The following PDE10A variants were observed in gnomAD, a reference collection of about 807,000 sequenced individuals.
The protein encoded by PDE10A is cAMP and cAMP-inhibited cGMP 3',5'-cyclic phosphodiesterase 10A.
Under a neutral mutation model 97.7 loss-of-function variants are expected in PDE10A, and 39 were observed. That is an observed-to-expected ratio of 0.40 (90% CI 0.31 to 0.52). The LOEUF (loss-of-function observed/expected upper bound fraction) is 0.52, where lower values mean the gene tolerates loss of function less well. Among genes scored for constraint, PDE10A ranks in the 20% least tolerant of loss-of-function variants. PDE10A has a pLI of 0.56. For synonymous variants in PDE10A, 371 were observed against 376.8 expected (o/e 0.98, Z 0.18); for missense variants, 731 against 1,047.8 (o/e 0.70, Z 4.17).
At position 165,515,523 on chromosome 6, in the gene PDE10A, C is replaced by CTT. The variant is rs376897417; in HGVS notation, c.994+27915_994+27916dup. On this transcript the variant is annotated intron_variant, in intron 2 of 21. Transcript: ENST00000539869. ...ACACACACATATATATGCTTTTGTT[C>CTT]TTTTTTTTTTTTTTTTTTGAGATGG... 6.7e-3 allele frequency among the ~76,000 whole-genome samples: 838 copies of CTT among 124,492 alleles called. 26 individuals are homozygous for CTT. Among genetic ancestry groups the CTT allele is most frequent in the African/African-American group, 0.022 (740 of 33,068 alleles). The allele number at this position is 124,492 out of a possible 152,430, so 81.7% of individuals were successfully genotyped here. A position where few individuals can be genotyped will look rare whatever the true frequency, so the allele number is the denominator to read the frequency against.
chr6:165,576,560 A>T, intron 1 of PDE10A: 1 of 696,508 alleles, frequency 1.4e-6, no homozygotes, highest in Non-Finnish European at 2.6e-6. Context: ...ACAAAACAAA[A>T]AAATCAAATA....
intron 1 of PDE10A, among the ~76,000 whole-genome samples, chr6:165,555,476 C>T (rs184667433): frequency 1.9e-4 from 29 of 152,286 alleles, no homozygotes; most frequent in Admixed American, 1.6e-3. Context: ...AATTCAGTAA[C>T]ATCTATCTTC....
At chr6:165,542,609 G>GTTTTTTTTTTTTTTTTTTTT (rs1783506131) in intron 2 of PDE10A, among the ~76,000 whole-genome samples, 1 of 95,916 alleles carries the variant, frequency 1.0e-5, no homozygotes, top group African/African-American at 4.0e-5. Flanking sequence ...AGATGTCCTT[G>GTTTTTTTTTTTTTTTTTTTT]TTCTTTTTTT....
chr6:165,918,050 A>G (rs1433519940), intron 1 of PDE10A, among the ~76,000 whole-genome samples: 1 of 152,238 alleles, frequency 6.6e-6, no homozygotes, highest in Admixed American at 6.5e-5. Context: ...TAACTCAACA[A>G]TTCCAGAGTG....
intron 1 of PDE10A, among the ~76,000 whole-genome samples, chr6:165,789,250 A>G (rs1023289273): frequency 5.3e-5 from 8 of 152,238 alleles, no homozygotes; most frequent in Non-Finnish European, 1.2e-4. Context: ...TGTTCAACAC[A>G]TTCTGTTTCA....
intron 1 of PDE10A, among the ~76,000 whole-genome samples, chr6:165,960,460 T>C (rs1784322368): frequency 6.6e-6 from 1 of 152,174 alleles, no homozygotes; most frequent in Non-Finnish European, 1.5e-5. Context: ...GCATCACATC[T>C]TCCCAGAACT....
chr6:165,650,107 G>A (rs571880061), intron 1 of PDE10A, among the ~76,000 whole-genome samples: 3 of 152,140 alleles, frequency 2.0e-5, no homozygotes, highest in South Asian at 2.1e-4. Flanking sequence ...GACAGAAATC[G>A]ATCAAATTTT....
chr6:165,598,890 C>T lies in PDE10A; in HGVS notation c.866-55322G>A, dbSNP rs899870964. On this transcript the variant is annotated intron_variant, in intron 1 of 21. Coordinates refer to ENST00000539869, the MANE Select transcript of PDE10A (RefSeq NM_001385079.1). ...ACCTGCCTTCTGCAAGATGAGGGGACGGGGTCAGGACTTCTAGCTCCCTGT... is the reference window on the plus strand; with the variant it reads ...ACCTGCCTTCTGCAAGATGAGGGGATGGGGTCAGGACTTCTAGCTCCCTGT... 5.3e-5 allele frequency among the ~76,000 whole-genome samples: 8 copies of T among 152,206 alleles called. No individual in the cohort carries two copies. In the East Asian group the frequency reaches 5.8e-4, roughly 11 times the overall value.
chr6:165,913,176 AT>A (rs1418569322), intron 1 of PDE10A, among the ~76,000 whole-genome samples: 149 of 152,252 alleles, frequency 9.8e-4, no homozygotes, highest in Non-Finnish European at 1.6e-4. Context: ...TCCCCAAGGC[AT>A]TTCATTATGT....
At chr6:165,808,961 C>G (rs1779208243) in intron 1 of PDE10A, among the ~76,000 whole-genome samples, 1 of 152,196 alleles carries the variant, frequency 6.6e-6, no homozygotes, top group Non-Finnish European at 1.5e-5. Flanking sequence ...ATAATCAGAG[C>G]ATTCTACATC....
intron 18 of PDE10A, among the ~76,000 whole-genome samples, chr6:165,355,855 T>C (rs1047315389): frequency 2.6e-5 from 4 of 152,188 alleles, no homozygotes; most frequent in African/African-American, 9.6e-5. Context: ...TATGAGTATT[T>C]CAGCTGCTTG....
chr6:165,619,474 GTAGTCTAGTGTAGTC>G (rs1787981695), intron 1 of PDE10A, among the ~76,000 whole-genome samples: 1 of 13,544 alleles, frequency 7.4e-5, no homozygotes. Context: ...CTAGTGTAGT[GTAGTCTAGTGTAGTC>G]TAGTGTAGTC....
At chr6:165,831,355 G>A (rs1486875886) in intron 1 of PDE10A, among the ~76,000 whole-genome samples, 1 of 88,304 alleles carries the variant, frequency 1.1e-5, no homozygotes. Flanking sequence ...CTGGGCGAGA[G>A]AGCGAGACTC....
At chr6:165,871,530 A>G (rs1382989369) in intron 1 of PDE10A, among the ~76,000 whole-genome samples, 1 of 152,160 alleles carries the variant, frequency 6.6e-6, no homozygotes, top group Non-Finnish European at 1.5e-5. Flanking sequence ...AATTTTTTCA[A>G]GAGAAAACAT....
intron 5 of PDE10A, among the ~76,000 whole-genome samples, chr6:165,436,117 G>C (rs1470038146): frequency 6.6e-6 from 1 of 152,000 alleles, no homozygotes; most frequent in Non-Finnish European, 1.5e-5. Context: ...GTAGAAATTG[G>C]GGGCAATATT....
chr6:165,565,651 G>A lies in PDE10A; in HGVS notation c.866-22083C>T, dbSNP rs956666480. 5.9e-5 allele frequency among the ~76,000 whole-genome samples: 9 copies of A among 152,078 alleles called. No individual in the cohort carries two copies. In the South Asian group the frequency reaches 1.0e-3, roughly 18 times the overall value. ...ATATTGTAAGAGAACAACAAAGTTC[G>A]AGGACTGACAATACCCAACTTCAAG... On this transcript the variant is annotated intron_variant, in intron 1 of 21. Coordinates refer to ENST00000539869, the MANE Select transcript of PDE10A (RefSeq NM_001385079.1).
intron 1 of PDE10A, among the ~76,000 whole-genome samples, chr6:165,950,145 T>C (rs2500486): frequency 0.47 from 71,407 of 152,044 alleles, 18,158 homozygotes; most frequent in African/African-American, 0.68. Context: ...CTTGAAAATA[T>C]GACCTATTTC....
intron 1 of PDE10A, among the ~76,000 whole-genome samples, chr6:165,557,166 C>T (rs1020133401): frequency 1.3e-5 from 2 of 151,868 alleles, no homozygotes; most frequent in African/African-American, 4.8e-5. Context: ...ATAAATACTC[C>T]CATAGAAATA....
rs370673355 is a variant in PDE10A, at chr6:165,687,117, C to A, written c.-614-143549G>T. 7.2e-5 allele frequency among the ~76,000 whole-genome samples: 11 copies of A among 152,242 alleles called. No homozygotes were observed. In the East Asian group the frequency reaches 1.2e-3, roughly 16 times the overall value. ...GAGCATGGCTGCTTCCCATCTCCCT[C>A]GCCTTCGTTTCCATCCGCCCACGCG... On this transcript the variant is annotated intron_variant, in intron 1 of 19. Transcript: ENST00000366882.
Sources: gnomAD v4.1 joint callset for allele counts (sites outside exome capture counted in the v4.1 genomes callset) on GRCh38, gnomAD v4.1.1 for gene constraint, MANE v1.5 for transcripts, NCBI Gene and HGNC (gene_info 2026-07-23, HGNC 2026-07-21) for gene names.